GNB1L: variants seen among roughly 807,000 people sequenced by gnomAD.
The protein encoded by GNB1L is guanine nucleotide-binding protein subunit beta-like protein 1.
In GNB1L, 20 loss-of-function variants were observed where a neutral mutation model predicts 29.1. The ratio of observed to expected loss-of-function variants is 0.69; its 90% CI spans 0.48 to 1.00. The LOEUF (loss-of-function observed/expected upper bound fraction) is 1.00. Among genes scored for constraint, GNB1L ranks in the 50% least tolerant of loss-of-function variants. The pLI, the probability that GNB1L is intolerant of heterozygous loss-of-function variation, is 0.00. For missense variants in GNB1L, 421 were observed against 464.9 expected, an observed-to-expected ratio of 0.91 and a Z score of 0.87; for synonymous variants, 193 against 206.5, an observed-to-expected ratio of 0.93 and a Z score of 0.56.
chr22:19,814,783 T>C (rs537875090), intron 4 of GNB1L, among the ~76,000 whole-genome samples: 25 of 152,232 alleles, frequency 1.6e-4, no homozygotes, highest in African/African-American at 5.8e-4. Flanking sequence ...GTGCAGTGGA[T>C]CATACCTAGA....
intron 4 of GNB1L, among the ~76,000 whole-genome samples, chr22:19,818,068 C>T (rs1937546690): frequency 1.3e-5 from 2 of 152,220 alleles, no homozygotes; most frequent in East Asian, 3.8e-4. Context: ...TGGCGGCCCA[C>T]AGGCTCTAGT....
At chr22:19,792,447 A>G in intron 7 of GNB1L, 2 of 1,577,770 alleles carry the variant, frequency 1.3e-6, no homozygotes, top group South Asian at 1.1e-5. Context: ...AAGAGACCTC[A>G]CCCACTTTGT....
intron 2 of GNB1L, among the ~76,000 whole-genome samples, chr22:19,829,892 T>C (rs1411601492): frequency 6.6e-6 from 1 of 152,304 alleles, no homozygotes; most frequent in Non-Finnish European, 1.5e-5. Context: ...ATCCAACATA[T>C]TATTTTATGA....
chr22:19,808,600 TGATGTCCAAAAACCAA>T (rs1192267349), intron 5 of GNB1L, among the ~76,000 whole-genome samples: 8 of 152,092 alleles, frequency 5.3e-5, no homozygotes, highest in Admixed American at 2.6e-4. Flanking sequence ...ATAGGAACAT[TGATGTCCAAAAACCAA>T]GACGAGGTGC....
chr22:19,854,803 C>G lies in GNB1L; in HGVS notation c.-118+17G>C, dbSNP rs1043485486. 6.6e-6 allele frequency: 1 copy of G among 152,432 alleles called. No individual in the cohort carries two copies. The highest frequency in any genetic ancestry group is 6.5e-5 in the Admixed American group (1 of 15,290). 9.4% of individuals were successfully genotyped at this position (152,432 alleles called of 1,614,324 possible). On this transcript the variant is annotated intron_variant, in intron 1 of 7. Transcript: ENST00000329517. Reference sequence around the variant, plus strand: ...GGAGTTCAAGCCGGCCGCCCGGGCTCCCGCCTCCACACTGACCCTCTTGCC... The same window carrying G: ...GGAGTTCAAGCCGGCCGCCCGGGCTGCCGCCTCCACACTGACCCTCTTGCC...
intron 2 of GNB1L, among the ~76,000 whole-genome samples, chr22:19,839,108 C>T (rs1937814458): frequency 6.6e-6 from 1 of 152,092 alleles, no homozygotes; most frequent in African/African-American, 2.4e-5. Flanking sequence ...AGAGGACAGA[C>T]CAGTGACTGT....
intron 2 of GNB1L, chr22:19,846,396 C>T: frequency 1.0e-6 from 1 of 984,006 alleles, no homozygotes; most frequent in Non-Finnish European, 1.2e-6. Context: ...TACAGCACAA[C>T]TGGGCACTGC....
At chr22:19,853,408 C>T (rs1938156903) in intron 2 of GNB1L, among the ~76,000 whole-genome samples, 1 of 152,112 alleles carries the variant, frequency 6.6e-6, no homozygotes, top group Non-Finnish European at 1.5e-5. Context: ...AGGAGCCCTC[C>T]TGTAGGGCTC....
chr22:19,841,488 G>A (rs1276063652), intron 2 of GNB1L, among the ~76,000 whole-genome samples: 3 of 151,966 alleles, frequency 2.0e-5, no homozygotes, highest in South Asian at 4.2e-4. Context: ...TAAAAAAATC[G>A]GCCAGTTATG....
In GNB1L at chr22:19,850,180, T is replaced by C. The variant is rs192408912; in HGVS notation, c.-21+4263A>G. ...GGAATGCTCATGGCCAGGCCTCTGC[T>C]CCTGACAGAATGGGAAACAAAGACT... On this transcript the variant is annotated intron_variant, in intron 2 of 7. Coordinates refer to ENST00000329517, the MANE Select transcript of GNB1L (RefSeq NM_053004.3). The C allele has an allele frequency of 4.1e-6, 4 of 985,592 alleles. No individual in the cohort carries two copies. The East Asian group carries it at 4.5e-4, about 112-fold the overall frequency. The allele number at this position is 985,592 out of a possible 1,614,324, so 61.1% of individuals were successfully genotyped here.
intron 2 of GNB1L, among the ~76,000 whole-genome samples, chr22:19,825,619 C>T (rs1347273561): frequency 6.6e-6 from 1 of 151,456 alleles, no homozygotes; most frequent in Non-Finnish European, 1.5e-5. Context: ...AAGACCGCAT[C>T]TCAAATAAAT....
intron 6 of GNB1L, among the ~76,000 whole-genome samples, chr22:19,805,216 A>T (rs2012098266): frequency 6.6e-6 from 1 of 152,232 alleles, no homozygotes; most frequent in African/African-American, 2.4e-5. Context: ...GGAGACCCCA[A>T]ATTCCAAGTG....
chr22:19,820,595 C>A lies in GNB1L; in HGVS notation c.254+3G>T. 1 of 1,611,334 alleles carries A rather than the reference C, an allele frequency of 6.2e-7. No homozygotes were observed. Reference sequence around the variant, plus strand: ...ACCTGGCTCCTGCACCTTGGAGACCCACCTGAGGAGCTGGCGCCCCTGGGG... The same window carrying A: ...ACCTGGCTCCTGCACCTTGGAGACCAACCTGAGGAGCTGGCGCCCCTGGGG... On this transcript the variant is annotated splice_donor_region_variant and intron_variant, in intron 4 of 7. Transcript: ENST00000329517.
At chr22:19,792,409 T>C (rs973571458) in intron 7 of GNB1L, 16 of 1,512,566 alleles carry the variant, frequency 1.1e-5, no homozygotes, top group African/African-American at 1.4e-5. Context: ...CCTAAGAATT[T>C]TGGCATCGGA....
intron 5 of GNB1L, among the ~76,000 whole-genome samples, chr22:19,810,751 G>GA (rs1937490713): frequency 6.6e-6 from 1 of 152,250 alleles, no homozygotes; most frequent in South Asian, 2.1e-4. Flanking sequence ...GCAGGCCAGT[G>GA]AGGCTTTCTC....
Position 19,837,070 on chromosome 22 carries a change from C to T in GNB1L, c.-20-15695G>A, listed in dbSNP as rs375849262. 1.8e-3 allele frequency among the ~76,000 whole-genome samples: 279 copies of T among 152,034 alleles called. 7 individuals are homozygous for T. In the South Asian group the frequency reaches 0.057, roughly 31 times the overall value. Reference sequence around the variant, plus strand: ...CAAGCTCTGCCTCCTGGGTTCACGCCATTCTCCCACCTCAGCCTCCTGAGT... The same window carrying T: ...CAAGCTCTGCCTCCTGGGTTCACGCTATTCTCCCACCTCAGCCTCCTGAGT... On this transcript the variant is annotated intron_variant, in intron 2 of 7. Coordinates refer to ENST00000329517, the MANE Select transcript of GNB1L (RefSeq NM_053004.3).
chr22:19,845,527 G>C lies in GNB1L; in HGVS notation c.-21+8916C>G, dbSNP rs144852921. Among the ~76,000 whole-genome samples, 100 of 152,368 alleles carry C rather than the reference G, an allele frequency of 6.6e-4. 2 individuals carry two copies. The highest frequency in any genetic ancestry group is 2.4e-3 in the African/African-American group (98 of 41,596). On this transcript the variant is annotated intron_variant, in intron 2 of 7. Coordinates refer to ENST00000329517, the MANE Select transcript of GNB1L (RefSeq NM_053004.3). ...CACCAATGGGGACACAGAAGAATGT[G>C]GCAAGTGCATGAGCACCCATCATCC...
Position 19,786,024 on chromosome 22 carries a change from C to G in GNB1L, c.*2685G>C, listed in dbSNP as rs1937189127. The G allele has an allele frequency of 6.6e-6, 1 of 152,420 alleles. No homozygotes were observed. The highest frequency in any genetic ancestry group is 1.5e-5 in the Non-Finnish European group (1 of 68,194). The allele number at this position is 152,420 out of a possible 1,614,324, so 9.4% of individuals were successfully genotyped here. ...TGCTCTTGGCCGGCTTGGACCCCAG[C>G]ACCGGTTCTGCTGCTCTCCCAGGCA... is the stretch of plus-strand genomic sequence containing the variant. On this transcript the variant is annotated 3_prime_UTR_variant, in exon 8 of 8. Coordinates refer to ENST00000329517, the MANE Select transcript of GNB1L (RefSeq NM_053004.3).
rs770819035 is a variant in GNB1L at position 19,851,411 on chromosome 22, G to C, written c.-21+3032C>G. On this transcript the variant is annotated intron_variant, in intron 2 of 7. Coordinates refer to ENST00000329517, the MANE Select transcript of GNB1L (RefSeq NM_053004.3). ...TGGCTGGGAAGAGGCTGGTTCCACA[G>C]GACCAGGCTTGGAGCTACATGTAGA... The C allele has an allele frequency of 7.4e-6, 12 of 1,613,956 alleles. No individual in the cohort carries two copies. The Admixed American group carries it at 2.0e-4, about 27-fold the overall frequency.
Sources: gnomAD v4.1 joint callset for allele counts (sites outside exome capture counted in the v4.1 genomes callset) on GRCh38, gnomAD v4.1.1 for gene constraint, MANE v1.5 for transcripts, NCBI Gene and HGNC (gene_info 2026-07-23, HGNC 2026-07-21) for gene names.